FOXP1: variants seen among roughly 807,000 people sequenced by gnomAD.
FOXP1 encodes the protein forkhead box P1, also known as forkhead box protein P1.
Under a neutral mutation model 98.2 loss-of-function variants are expected in FOXP1, and 15 were observed. The ratio of observed to expected loss-of-function variants is 0.15; its 90% CI spans 0.10 to 0.24. The LOEUF is 0.24. Among genes scored for constraint, FOXP1 ranks in the 10% least tolerant of loss-of-function variants. The pLI is 1.00. For missense variants in FOXP1, 633 were observed against 848.5 expected, an observed-to-expected ratio of 0.75 and a Z score of 3.15; for synonymous variants, 371 against 314.5, an observed-to-expected ratio of 1.18 and a Z score of -1.90.
intron 6 of FOXP1, among the ~76,000 whole-genome samples, chr3:71,114,553 T>A (rs2058210164): frequency 1.3e-5 from 2 of 151,982 alleles, no homozygotes; most frequent in South Asian, 4.2e-4. Flanking sequence ...GATAGATGAG[T>A]GACAAAGAAA....
chr3:71,327,488 C>T (rs914364802), intron 4 of FOXP1, among the ~76,000 whole-genome samples: 16 of 148,486 alleles, frequency 1.1e-4, no homozygotes, highest in African/African-American at 3.7e-4. Flanking sequence ...CCCGGGTTCA[C>T]GCCATTCTCC....
Position 71,318,869 on chromosome 3 carries a change from C to A in FOXP1, c.-72-18989G>T, listed in dbSNP as rs555488688. ...AACAAAGAGAAGTCGTATTAACTCC[C>A]CATTTTTCACTTCTTGGAATACCAA... On this transcript the variant is annotated intron_variant, in intron 4 of 20. Coordinates refer to ENST00000649528, the MANE Select transcript of FOXP1 (RefSeq NM_001349338.3). Among the ~76,000 whole-genome samples the A allele has an allele frequency of 2.0e-5, 3 of 152,320 alleles. No homozygotes were observed. The East Asian group carries it at 5.8e-4, about 29-fold the overall frequency.
At chr3:71,452,131 C>G (rs1293563044) in intron 3 of FOXP1, among the ~76,000 whole-genome samples, 1 of 152,154 alleles carries the variant, frequency 6.6e-6, no homozygotes, top group Non-Finnish European at 1.5e-5. Flanking sequence ...AAATTAATCA[C>G]TCTCGGAGCC....
intron 3 of FOXP1, among the ~76,000 whole-genome samples, chr3:71,431,854 T>A (rs780450674): frequency 6.6e-6 from 1 of 152,192 alleles, no homozygotes; most frequent in African/African-American, 2.4e-5. Context: ...TCTGACTTCA[T>A]TGTGTAGTGT....
intron 5 of FOXP1, among the ~76,000 whole-genome samples, chr3:71,278,401 C>A (rs936320479): frequency 1.3e-4 from 20 of 152,194 alleles, no homozygotes; most frequent in African/African-American, 2.4e-4. Flanking sequence ...TGGTATCTCA[C>A]TGCCAAGCTG....
intron 3 of FOXP1, among the ~76,000 whole-genome samples, chr3:71,430,524 A>C (rs897199309): frequency 1.3e-5 from 2 of 152,068 alleles, no homozygotes; most frequent in Non-Finnish European, 2.9e-5. Flanking sequence ...AAAAAAAAAA[A>C]CAGGAGTCAT....
intron 2 of FOXP1, among the ~76,000 whole-genome samples, chr3:71,578,371 C>T (rs2047891954): frequency 6.6e-6 from 1 of 152,158 alleles, no homozygotes; most frequent in South Asian, 2.1e-4. Flanking sequence ...CAATCTACTT[C>T]GGTTTTATTA....
At chr3:71,232,061 CTT>C (rs2066334780) in intron 5 of FOXP1, among the ~76,000 whole-genome samples, 1 of 152,218 alleles carries the variant, frequency 6.6e-6, no homozygotes, top group African/African-American at 2.4e-5. Flanking sequence ...GTCTGTCTCT[CTT>C]GTCAGGTCAC....
rs6147878 is a variant in FOXP1, at chr3:71,067,731, TACAC to T, written c.283-13962_283-13959del. ...CACAGTGGGACTCCGTCTCCAAAAA[TACAC>T]ACACACACACACACACACACACACA... is the stretch of plus-strand genomic sequence containing the variant. On this transcript the variant is annotated intron_variant, in intron 7 of 20. Transcript: ENST00000649528. 7.1e-3 allele frequency among the ~76,000 whole-genome samples: 902 copies of T among 126,612 alleles called. 7 individuals are homozygous for T. Among genetic ancestry groups the T allele is most frequent in the African/African-American group, 0.022 (750 of 33,694 alleles). 83.1% of individuals were successfully genotyped at this position (126,612 alleles called of 152,430 possible). A position where few individuals can be genotyped will look rare whatever the true frequency, so the allele number is the denominator to read the frequency against.
At chr3:71,341,568 AC>A (rs2077010123) in intron 4 of FOXP1, among the ~76,000 whole-genome samples, 1 of 152,130 alleles carries the variant, frequency 6.6e-6, no homozygotes, top group Non-Finnish European at 1.5e-5. Flanking sequence ...CAGGAGTTCG[AC>A]CAGCCTGTAA....
At chr3:71,373,316 C>T (rs920704851) in intron 3 of FOXP1, among the ~76,000 whole-genome samples, 2 of 80,738 alleles carry the variant, frequency 2.5e-5, no homozygotes, top group African/African-American at 4.5e-5. Context: ...CCAAAATGTT[C>T]GCCTTTACAA....
chr3:71,373,828 A>T (rs1434380096), intron 3 of FOXP1, among the ~76,000 whole-genome samples: 1 of 152,200 alleles, frequency 6.6e-6, no homozygotes, highest in Non-Finnish European at 1.5e-5. Flanking sequence ...TACCCTGCTA[A>T]TGATAAAACA....
chr3:71,448,993 C>A (rs539556978), intron 3 of FOXP1, among the ~76,000 whole-genome samples: 1 of 152,244 alleles, frequency 6.6e-6, no homozygotes, highest in African/African-American at 2.4e-5. Flanking sequence ...GAACAAAATG[C>A]GTGTTATGAC....
intron 1 of FOXP1, chr3:71,582,487 C>T (rs1291507059): frequency 1.4e-5 from 14 of 985,306 alleles, no homozygotes; most frequent in Non-Finnish European, 1.7e-5. Context: ...GGGAGGAAGG[C>T]TGCGCGCAAG....
At chr3:70,987,340 AC>A (rs541010122) in intron 14 of FOXP1, among the ~76,000 whole-genome samples, 125 of 152,342 alleles carry the variant, frequency 8.2e-4, no homozygotes, top group South Asian at 5.2e-3. Context: ...CTGGGATGAC[AC>A]CCTTCAAGGT....
chr3:71,264,795 T>A (rs2069484741), intron 5 of FOXP1, among the ~76,000 whole-genome samples: 1 of 152,200 alleles, frequency 6.6e-6, no homozygotes, highest in Non-Finnish European at 1.5e-5. Flanking sequence ...ATATGAAAAA[T>A]AACTGTAACA....
chr3:71,118,304 T>C (rs1427270350), intron 6 of FOXP1, among the ~76,000 whole-genome samples: 2 of 152,234 alleles, frequency 1.3e-5, no homozygotes, highest in East Asian at 3.8e-4. Flanking sequence ...ATTTACAAAT[T>C]ATGTTTTACA....
chr3:70,986,763 G>A (rs962745210), intron 14 of FOXP1, among the ~76,000 whole-genome samples: 1 of 151,978 alleles, frequency 6.6e-6, no homozygotes, highest in Admixed American at 6.5e-5. Flanking sequence ...ATAATACACG[G>A]AAACTAAGGA....
chr3:71,130,443 CT>C lies in FOXP1; in HGVS notation c.181-17807del, dbSNP rs1314816317. 3.9e-6 allele frequency: 6 copies of C among 1,550,152 alleles called. No individual in the cohort carries two copies. In the African/African-American group the frequency reaches 8.1e-5, roughly 21 times the overall value. On this transcript the variant is annotated intron_variant, in intron 6 of 20. Transcript: ENST00000649528. ...AGAATGTCTGCACAAGAACGGATCC[CT>C]AGTTTAAAAGTTTAACCCAGCAAAA...
Sources: allele counts gnomAD v4.1 joint callset (sites outside exome capture counted in the v4.1 genomes callset), GRCh38; gene constraint gnomAD v4.1.1; transcripts MANE v1.5; gene names NCBI Gene and HGNC (gene_info 2026-07-23, HGNC 2026-07-21).